NRXN1: variants seen among roughly 807,000 people sequenced by gnomAD.
The protein encoded by NRXN1 is neurexin 1, also known as neurexin-1.
A neutral mutation model predicts 150.9 loss-of-function variants in NRXN1; 39 were observed. That is an observed-to-expected ratio of 0.26 (90% CI 0.20 to 0.34). The LOEUF (loss-of-function observed/expected upper bound fraction) is 0.34, where lower values mean the gene tolerates loss of function less well. Among genes scored for constraint, NRXN1 ranks in the 10% least tolerant of loss-of-function variants. The pLI, the probability that NRXN1 is intolerant of heterozygous loss-of-function variation, is 1.00. For missense variants in NRXN1, 1,815 were observed against 1,949.9 expected, an observed-to-expected ratio of 0.93 and a Z score of 1.30; for synonymous variants, 924 against 757.0, an observed-to-expected ratio of 1.22 and a Z score of -3.62.
At chr2:50,595,308 AT>A (rs1203056959) in intron 8 of NRXN1, among the ~76,000 whole-genome samples, 1 of 151,628 alleles carries the variant, frequency 6.6e-6, no homozygotes, top group African/African-American at 2.4e-5. Context: ...TATTATTATT[AT>A]TTAGATATGA....
At chr2:50,237,500 C>T (rs534185334) in intron 17 of NRXN1, among the ~76,000 whole-genome samples, 8 of 151,832 alleles carry the variant, frequency 5.3e-5, no homozygotes, top group African/African-American at 1.4e-4. Flanking sequence ...TAGCCACAAG[C>T]CCCAGTAGCC....
intron 5 of NRXN1, among the ~76,000 whole-genome samples, chr2:50,740,360 G>A (rs1322003228): frequency 1.3e-5 from 2 of 152,174 alleles, no homozygotes; most frequent in Non-Finnish European, 2.9e-5. Context: ...GTTTATCTAA[G>A]GATGCAGTTA....
chr2:50,382,052 G>T (rs1014592779), intron 17 of NRXN1, among the ~76,000 whole-genome samples: 2 of 152,120 alleles, frequency 1.3e-5, no homozygotes, highest in Admixed American at 1.3e-4. Flanking sequence ...CCAGAGTAGA[G>T]CAGAGAGAGT....
At chr2:50,673,170 T>G (rs1362968401) in intron 5 of NRXN1, among the ~76,000 whole-genome samples, 1 of 152,088 alleles carries the variant, frequency 6.6e-6, no homozygotes, top group East Asian at 1.9e-4. Flanking sequence ...CTTATTTATC[T>G]CTAAGGATAT....
chr2:50,752,677 CCTATTTAACACAACA>C (rs1462434448), intron 5 of NRXN1, among the ~76,000 whole-genome samples: 1 of 151,300 alleles, frequency 6.6e-6, no homozygotes, highest in African/African-American at 2.4e-5. Context: ...CAACTGAAAG[CCTATTTAACACAACA>C]CCATGATAAA....
chr2:50,651,458 A>G (rs1685601888), intron 5 of NRXN1, among the ~76,000 whole-genome samples: 1 of 150,616 alleles, frequency 6.6e-6, no homozygotes, highest in African/African-American at 2.5e-5. Context: ...ACCAAAAATA[A>G]CATAACATAA....
intron 17 of NRXN1, among the ~76,000 whole-genome samples, chr2:50,259,841 C>T (rs1574796662): frequency 2.6e-5 from 4 of 151,764 alleles, no homozygotes; most frequent in African/African-American, 9.7e-5. Context: ...ATACATTTAT[C>T]GGTACAAGTT....
At chr2:51,027,107 G>C (rs1670615490) in intron 2 of NRXN1, among the ~76,000 whole-genome samples, 1 of 152,156 alleles carries the variant, frequency 6.6e-6, no homozygotes, top group South Asian at 2.1e-4. Context: ...TGCATCTTAA[G>C]GGCAAAGTCT....
At chr2:50,375,580 G>C (rs1337331016) in intron 17 of NRXN1, among the ~76,000 whole-genome samples, 1 of 149,738 alleles carries the variant, frequency 6.7e-6, no homozygotes, top group East Asian at 2.0e-4. Flanking sequence ...AAAAAAATTA[G>C]GAAACAGAAT....
At chr2:50,210,558 G>A (rs1048046619) in intron 18 of NRXN1, among the ~76,000 whole-genome samples, 2 of 151,670 alleles carry the variant, frequency 1.3e-5, no homozygotes, top group African/African-American at 4.8e-5. Context: ...TAGACCTTGT[G>A]AGATTATTAA....
At chr2:50,114,566 T>C (rs770795168) in intron 18 of NRXN1, among the ~76,000 whole-genome samples, 5 of 152,170 alleles carry the variant, frequency 3.3e-5, no homozygotes, top group Admixed American at 2.6e-4. Context: ...TGGATGTTTA[T>C]AGCAGCTTTA....
intron 18 of NRXN1, among the ~76,000 whole-genome samples, chr2:50,189,989 T>A (rs983176560): frequency 4.6e-5 from 7 of 152,176 alleles, no homozygotes; most frequent in Non-Finnish European, 8.8e-5. Flanking sequence ...TGAAGTGGTA[T>A]GAGATTAGTA....
chr2:50,327,417 A>C (rs2076457288), intron 17 of NRXN1, among the ~76,000 whole-genome samples: 1 of 152,190 alleles, frequency 6.6e-6, no homozygotes, highest in African/African-American at 2.4e-5. Context: ...GTCACTTCCT[A>C]GAATTACAGA....
At chr2:50,538,174 T>G in intron 10 of NRXN1, 79 bp downstream of exon 10, 1 of 1,478,664 alleles carries the variant, frequency 6.8e-7, no homozygotes, top group Non-Finnish European at 9.1e-7. Context: ...TACGTTTCAA[T>G]GGTCAGTGCA....
intron 21 of NRXN1, among the ~76,000 whole-genome samples, chr2:50,045,433 C>T (rs1048741674): frequency 1.3e-5 from 2 of 152,118 alleles, no homozygotes; most frequent in Admixed American, 6.5e-5. Flanking sequence ...ACCTCCGCCT[C>T]CGCCCAGGTT....
intron 12 of NRXN1, among the ~76,000 whole-genome samples, chr2:50,517,203 C>T (rs745928827): frequency 7.2e-5 from 11 of 151,998 alleles, no homozygotes; most frequent in South Asian, 2.1e-4. Context: ...ATCTTAATAA[C>T]GCAAGAAGCT....
chr2:50,199,208 T>C (rs1284197277), intron 18 of NRXN1: 1 of 152,164 alleles, frequency 6.6e-6, no homozygotes, highest in Admixed American at 6.6e-5. Context: ...GTCAGAAATA[T>C]GTTTGGAAAG....
intron 17 of NRXN1, among the ~76,000 whole-genome samples, chr2:50,277,411 C>CCTTCCTT (rs1416771533): frequency 7.7e-5 from 5 of 64,990 alleles, no homozygotes; most frequent in African/African-American, 1.5e-4. Flanking sequence ...CTCCCTCCTT[C>CCTTCCTT]CCTTCCTTCC....
chr2:50,566,119 C>A (rs181237709), intron 8 of NRXN1, among the ~76,000 whole-genome samples: 1 of 152,224 alleles, frequency 6.6e-6, no homozygotes, highest in Non-Finnish European at 1.5e-5. Flanking sequence ...CAGGCCTAGC[C>A]AACTTGGCTG....
Sources: gnomAD v4.1 joint callset for allele counts (sites outside exome capture counted in the v4.1 genomes callset) on GRCh38, gnomAD v4.1.1 for gene constraint, MANE v1.5 for transcripts, NCBI Gene and HGNC (gene_info 2026-07-23, HGNC 2026-07-21) for gene names.